The following HAVCR1 variants were observed in gnomAD, a reference collection of about 807,000 sequenced individuals.
HAVCR1 encodes the protein T cell immunoglobin domain and mucin domain protein 1.
In HAVCR1, 34 loss-of-function variants were observed where a neutral mutation model predicts 32.0. The ratio of observed to expected loss-of-function variants is 1.06; its 90% CI spans 0.81 to 1.42. The LOEUF (loss-of-function observed/expected upper bound fraction) is 1.42. Among genes scored for constraint, HAVCR1 ranks in the 40% most tolerant of loss-of-function variants. HAVCR1 has a pLI of 0.00. For missense variants in HAVCR1, 420 were observed against 442.3 expected, an observed-to-expected ratio of 0.95 and a Z score of 0.45; for synonymous variants, 178 against 170.3, an observed-to-expected ratio of 1.05 and a Z score of -0.35.
rs187403149 is a variant in HAVCR1, at chr5:157,031,226, T to C, written c.987-1385A>G. ...AAGGGCTTGAATGCAATAACAAAAG[T>C]CGATGTGTATTGAGCACTTACAGTA... On this transcript the variant is annotated intron_variant, in intron 8 of 8. Transcript: ENST00000523175. 2.0e-3 allele frequency among the ~76,000 whole-genome samples: 306 copies of C among 152,214 alleles called. 2 individuals carry two copies. Among genetic ancestry groups the C allele is most frequent in the African/African-American group, 6.5e-3 (268 of 41,518 alleles).
intron 6 of HAVCR1, among the ~76,000 whole-genome samples, chr5:157,041,236 G>A (rs774788817): frequency 6.6e-6 from 1 of 152,170 alleles, no homozygotes; most frequent in Non-Finnish European, 1.5e-5. Flanking sequence ...GGTGGCTCAC[G>A]CCTGTAATTC....
At chr5:157,042,384 G>A (rs1336794235) in intron 6 of HAVCR1, among the ~76,000 whole-genome samples, 1 of 147,534 alleles carries the variant, frequency 6.8e-6, no homozygotes, top group African/African-American at 2.5e-5. Context: ...GGAGCTTACA[G>A]TGAGCAGAGA....
chr5:157,054,226 A>G (rs1307162934), intron 3 of HAVCR1, among the ~76,000 whole-genome samples: 3 of 149,504 alleles, frequency 2.0e-5, no homozygotes, highest in Admixed American at 1.3e-4. Flanking sequence ...AAGGCCCTGC[A>G]TGGTGGCTTA....
the HAVCR1 span, among the ~76,000 whole-genome samples, chr5:157,064,246 C>T: frequency 6.6e-6 from 1 of 150,982 alleles, no homozygotes; most frequent in Non-Finnish European, 1.5e-5. Context: ...GATGTGATGG[C>T]TCACAGCTGT....
the HAVCR1 span, among the ~76,000 whole-genome samples, chr5:157,064,244 G>A: frequency 6.6e-6 from 1 of 151,468 alleles, no homozygotes; most frequent in Non-Finnish European, 1.5e-5. Flanking sequence ...CAGATGTGAT[G>A]GCTCACAGCT....
upstream of HAVCR1, among the ~76,000 whole-genome samples, chr5:157,060,260 T>G (rs1387704186): frequency 6.6e-6 from 1 of 151,934 alleles, no homozygotes; most frequent in African/African-American, 2.4e-5. Flanking sequence ...AAATCTTTAC[T>G]CAAATTACTG....
chr5:157,064,591 G>T, the HAVCR1 span, among the ~76,000 whole-genome samples: 3 of 152,102 alleles, frequency 2.0e-5, no homozygotes, highest in Non-Finnish European at 4.4e-5. Flanking sequence ...CAAAGGCTGG[G>T]CTCAGTGGCT....
chr5:157,062,676 A>G (rs1438596446), upstream of HAVCR1, among the ~76,000 whole-genome samples: 1 of 152,080 alleles, frequency 6.6e-6, no homozygotes, highest in Non-Finnish European at 1.5e-5. Flanking sequence ...CCTACCTTTC[A>G]GTTCTCTTCC....
At chr5:157,041,810 GCACTTTGGGAGGC>G (rs1754915098) in intron 6 of HAVCR1, among the ~76,000 whole-genome samples, 1 of 152,158 alleles carries the variant, frequency 6.6e-6, no homozygotes, top group Non-Finnish European at 1.5e-5. Flanking sequence ...TGTAATCCCA[GCACTTTGGGAGGC>G]CGAGGCGGGT....
chr5:157,066,536 G>A, the HAVCR1 span, among the ~76,000 whole-genome samples: 2 of 128,160 alleles, frequency 1.6e-5, no homozygotes, highest in African/African-American at 5.6e-5. Flanking sequence ...TGCAAAAATG[G>A]AAGGAGAAAA....
At position 157,057,384 on chromosome 5, in the gene HAVCR1, G is replaced by GA. The variant is rs1756228726; in HGVS notation, c.46+513dup. 2.1e-4 allele frequency among the ~76,000 whole-genome samples: 26 copies of GA among 121,538 alleles called. 1 individual carries two copies. The highest frequency in any genetic ancestry group is 5.0e-4 in the African/African-American group (15 of 30,008). 79.7% of individuals were successfully genotyped at this position (121,538 alleles called of 152,430 possible). ...ATGAAGAGAGAGAGAGAGAGAGAGA[G>GA]AGGAAAGAAAGAAAGAAAGAAAGAA... is the stretch of plus-strand genomic sequence containing the variant. On this transcript the variant is annotated intron_variant, in intron 2 of 8. Coordinates refer to ENST00000523175, the MANE Select transcript of HAVCR1 (RefSeq NM_001173393.3).
chr5:157,036,470 A>G (rs1754541453), intron 7 of HAVCR1, among the ~76,000 whole-genome samples: 1 of 152,118 alleles, frequency 6.6e-6, no homozygotes. Flanking sequence ...CAAGAGAGAA[A>G]CTCTGTCTCA....
At chr5:157,035,757 T>C (rs1378264282) in intron 7 of HAVCR1, among the ~76,000 whole-genome samples, 1 of 152,080 alleles carries the variant, frequency 6.6e-6, no homozygotes, top group Non-Finnish European at 1.5e-5. Context: ...TCCACAGGTT[T>C]GGCATCCTCA....
At position 157,055,503 on chromosome 5, in the gene HAVCR1, C is replaced by T; in HGVS notation, c.77G>A (p.Gly26Glu). Residue 26 changes from glycine to glutamate, a missense_variant, in exon 3 of 9, where the codon GGA becomes GAA. Gly to Glu is a moderately conservative substitution (Grantham distance 98, BLOSUM62 -2). Transcript: ENST00000523175. ...DSVAGSVKVGGEAGPSVTLPC... is the reference protein window; with the variant it reads ...DSVAGSVKVGEEAGPSVTLPC... ...TAGTGTGACAGATGGACCTGCCTCT[C>T]CACCAACCTTTACAGAACCAGCTAC... 6.3e-7 allele frequency: 1 copy of T among 1,593,258 alleles called. No homozygotes were observed. The highest frequency in any genetic ancestry group is 8.6e-7 in the Non-Finnish European group (1 of 1,166,720).
At chr5:157,045,060 C>G (rs986439659) in intron 5 of HAVCR1, among the ~76,000 whole-genome samples, 15 of 151,984 alleles carry the variant, frequency 9.9e-5, no homozygotes, top group Non-Finnish European at 1.9e-4. Flanking sequence ...AAGGATAGTA[C>G]CAAACCCTAT....
intron 3 of HAVCR1, among the ~76,000 whole-genome samples, chr5:157,054,949 G>A (rs1470192065): frequency 4.6e-5 from 7 of 152,108 alleles, no homozygotes; most frequent in Admixed American, 4.6e-4. Context: ...GGGGGTCCTG[G>A]AAACAATTTC....
chr5:157,052,162 T>C (rs2113611717), intron 4 of HAVCR1, among the ~76,000 whole-genome samples, 199 bp downstream of exon 4: 1 of 152,322 alleles, frequency 6.6e-6, no homozygotes, highest in Non-Finnish European at 1.5e-5. Flanking sequence ...ATGGGTCCCC[T>C]CACTCCAAAA....
At chr5:157,066,055 T>TAAAAAAAAAAAAAAAAAAAAAAAAAAAA in the HAVCR1 span, among the ~76,000 whole-genome samples, 40 of 66,886 alleles carry the variant, frequency 6.0e-4, no homozygotes, top group South Asian at 3.1e-3. Context: ...GACTCCGTCT[T>TAAAAAAAAAAAAAAAAAAAAAAAAAAAA]AAAAAAAAAA....
At position 157,049,090 on chromosome 5, in the gene HAVCR1, C is replaced by T. The variant is rs1413836340; in HGVS notation, c.729G>A (p.Gln243=). Residue 243 remains glutamine, a synonymous_variant, in exon 5 of 9, where the codon CAG becomes CAA. Transcript: ENST00000523175. ...QPAETHPTTL[Q]GAIRREPTSS... ...TGGTGGGTTCTCTCCTTATTGCTCC[C>T]TGCAGTGTCGTAGGGTGGGTTTCTG... The T allele has an allele frequency of 2.5e-6, 4 of 1,613,118 alleles. No individual in the cohort carries two copies. Among genetic ancestry groups the T allele is most frequent in the African/African-American group, 1.3e-5 (1 of 74,860 alleles).
Sources: gnomAD v4.1 joint callset for allele counts (sites outside exome capture counted in the v4.1 genomes callset) on GRCh38, gnomAD v4.1.1 for gene constraint, MANE v1.5 for transcripts, NCBI Gene and HGNC (gene_info 2026-07-23, HGNC 2026-07-21) for gene names.